Variants in OPCML observed in about 807,000 individuals in gnomAD.
OPCML encodes opioid-binding protein/cell adhesion molecule.
A neutral mutation model predicts 37.8 loss-of-function variants in OPCML; 13 were observed. The observed-to-expected ratio is 0.34, with a 90% confidence interval of 0.22 to 0.55. OPCML has a LOEUF of 0.55. OPCML is among the 20% of genes least tolerant of loss of function. The pLI, the probability that OPCML is intolerant of heterozygous loss-of-function variation, is 0.91. For synonymous variants in OPCML, 176 were observed against 168.8 expected (o/e 1.04, Z -0.33); for missense variants, 341 against 435.6 (o/e 0.78, Z 1.93).
In OPCML at chr11:132,416,983, G is replaced by A. The variant is rs191904157; in HGVS notation, c.*3210C>T. 1 of 152,646 alleles carries A rather than the reference G, an allele frequency of 6.6e-6. No individual in the cohort carries two copies. Among genetic ancestry groups the A allele is most frequent in the East Asian group, 1.9e-4 (1 of 5,162 alleles). 9.5% of individuals were successfully genotyped at this position (152,646 alleles called of 1,614,324 possible). A position where few individuals can be genotyped will look rare whatever the true frequency, so the allele number is the denominator to read the frequency against. On this transcript the variant is annotated 3_prime_UTR_variant, in exon 8 of 8. Transcript: ENST00000524381. ...GCATATGAACTCTGTTTTGGGAAGG[G>A]GAAGGGTTTCAGAGTCCCTACATTG...
At chr11:132,946,240 C>G (rs1042834618) in intron 1 of OPCML, among the ~76,000 whole-genome samples, 9 of 152,162 alleles carry the variant, frequency 5.9e-5, no homozygotes, top group African/African-American at 2.2e-4. Context: ...GCTGTCATCT[C>G]CTATGATGGC....
chr11:132,643,965 A>G (rs1461805328), intron 3 of OPCML, among the ~76,000 whole-genome samples: 1 of 152,180 alleles, frequency 6.6e-6, no homozygotes, highest in Non-Finnish European at 1.5e-5. Flanking sequence ...GGAAATGACA[A>G]ACACTCCTCG....
Position 133,327,218 on chromosome 11 carries a change from T to C in OPCML, c.61+205046A>G, listed in dbSNP as rs1428465404. Among the ~76,000 whole-genome samples, 4 of 149,586 alleles carry C rather than the reference T, an allele frequency of 2.7e-5. No individual in the cohort carries two copies. The East Asian group carries it at 8.0e-4, about 30-fold the overall frequency. On this transcript the variant is annotated intron_variant, in intron 1 of 7. Transcript: ENST00000524381. Reference sequence around the variant, plus strand: ...GTGTGTATGAGGGGGTATGTGGGTATGTGTGTATGTGGGCGGGGGATATGT... The same window carrying C: ...GTGTGTATGAGGGGGTATGTGGGTACGTGTGTATGTGGGCGGGGGATATGT...
At chr11:133,503,065 G>A (rs890654603) in intron 1 of OPCML, among the ~76,000 whole-genome samples, 1 of 152,280 alleles carries the variant, frequency 6.6e-6, no homozygotes, top group East Asian at 1.9e-4. Flanking sequence ...AGGACACAGG[G>A]GATTTGAGGG....
chr11:132,803,420 G>A (rs546564520), intron 2 of OPCML, among the ~76,000 whole-genome samples: 3 of 152,268 alleles, frequency 2.0e-5, no homozygotes, highest in South Asian at 2.1e-4. Flanking sequence ...AATACAGTGG[G>A]TAAGGATGGG....
intron 1 of OPCML, among the ~76,000 whole-genome samples, chr11:133,314,631 C>T (rs942759171): frequency 6.6e-6 from 1 of 152,058 alleles, no homozygotes; most frequent in African/African-American, 2.4e-5. Context: ...CATGTCTTTC[C>T]CACACACTTA....
chr11:132,505,599 A>ATGGAGAGCAAGCAAGTGACCT (rs768086890), intron 4 of OPCML, among the ~76,000 whole-genome samples: 5 of 152,196 alleles, frequency 3.3e-5, no homozygotes, highest in Admixed American at 6.5e-5. Flanking sequence ...TTAGTTAGAT[A>ATGGAGAGCAAGCAAGTGACCT]TGGAGAGCAA....
chr11:133,509,151 C>T (rs117070048), intron 1 of OPCML, among the ~76,000 whole-genome samples: 6,143 of 152,158 alleles, frequency 0.04, 178 homozygotes, highest in South Asian at 0.094. Context: ...TGGTTTGCTG[C>T]ACCTATCAAT....
intron 1 of OPCML, among the ~76,000 whole-genome samples, chr11:133,256,270 C>T (rs368061550): frequency 2.6e-5 from 4 of 152,206 alleles, no homozygotes; most frequent in Admixed American, 2.0e-4. Context: ...TGCCACTCAC[C>T]TTGGGCAGGC....
At chr11:132,589,531 A>G (rs920761687) in intron 3 of OPCML, among the ~76,000 whole-genome samples, 2 of 152,226 alleles carry the variant, frequency 1.3e-5, no homozygotes, top group African/African-American at 4.8e-5. Context: ...ATGGAAAGTA[A>G]CATGTTGCTA....
chr11:132,899,338 G>C (rs761050763), intron 2 of OPCML, among the ~76,000 whole-genome samples: 1 of 152,042 alleles, frequency 6.6e-6, no homozygotes, highest in Non-Finnish European at 1.5e-5. Context: ...AATATCTTTG[G>C]TTTTGCTCAT....
chr11:133,183,356 G>A (rs1247708061), intron 1 of OPCML, among the ~76,000 whole-genome samples: 2 of 152,136 alleles, frequency 1.3e-5, no homozygotes, highest in Admixed American at 1.3e-4. Flanking sequence ...ACATCTCACT[G>A]GCTAGGACAA....
intron 1 of OPCML, among the ~76,000 whole-genome samples, chr11:133,404,778 G>T (rs1945490985): frequency 1.3e-5 from 2 of 152,174 alleles, no homozygotes; most frequent in South Asian, 4.1e-4. Context: ...ACCAGAGGCA[G>T]TACTAATTTT....
intron 1 of OPCML, among the ~76,000 whole-genome samples, chr11:133,491,356 C>A (rs541486747): frequency 6.6e-6 from 1 of 152,138 alleles, no homozygotes; most frequent in African/African-American, 2.4e-5. Flanking sequence ...TTGGAAGGCA[C>A]CACGACACAC....
chr11:133,027,588 GTGTA>G (rs1309770814), intron 1 of OPCML, among the ~76,000 whole-genome samples: 3 of 146,202 alleles, frequency 2.1e-5, no homozygotes, highest in African/African-American at 7.4e-5. Context: ...GTTATGTGTG[GTGTA>G]TGTGTGGTGT....
At chr11:132,680,866 C>G (rs987363865) in intron 2 of OPCML, among the ~76,000 whole-genome samples, 1 of 152,164 alleles carries the variant, frequency 6.6e-6, no homozygotes, top group African/African-American at 2.4e-5. Context: ...CAGCAGAAGA[C>G]GCCTGTTGCC....
chr11:133,324,652 A>G (rs1375056546), intron 1 of OPCML, among the ~76,000 whole-genome samples: 3 of 152,210 alleles, frequency 2.0e-5, no homozygotes, highest in Non-Finnish European at 2.9e-5. Flanking sequence ...GTTACAGGGC[A>G]GCGGGGGCAG....
intron 2 of OPCML, among the ~76,000 whole-genome samples, chr11:132,934,137 G>A (rs1945295512): frequency 6.6e-6 from 1 of 152,204 alleles, no homozygotes; most frequent in South Asian, 2.1e-4. Flanking sequence ...GCCTGGATGT[G>A]AAGTGCTCTC....
At chr11:132,923,291 A>T (rs1944875483) in intron 2 of OPCML, among the ~76,000 whole-genome samples, 1 of 152,134 alleles carries the variant, frequency 6.6e-6, no homozygotes. Flanking sequence ...TATGAGAACC[A>T]GACTCATGGA....
Sources: allele counts gnomAD v4.1 joint callset (sites outside exome capture counted in the v4.1 genomes callset), GRCh38; gene constraint gnomAD v4.1.1; transcripts MANE v1.5; gene names NCBI Gene and HGNC (gene_info 2026-07-23, HGNC 2026-07-21).